The following STX11 variants were observed in gnomAD, a reference collection of about 807,000 sequenced individuals.
The protein encoded by STX11 is syntaxin 11, also known as syntaxin-11.
In STX11, 21 loss-of-function variants were observed where a neutral mutation model predicts 19.9. The ratio of observed to expected loss-of-function variants is 1.06; its 90% CI spans 0.75 to 1.52. The LOEUF is 1.52. Ranked by LOEUF, STX11 falls within the 40% of genes most tolerant of loss-of-function variation. The probability of loss-of-function intolerance (pLI) is 0.00; values close to 1 mark genes in which losing one functional copy is unlikely to be tolerated. For synonymous variants in STX11, 193 were observed against 174.4 expected, an observed-to-expected ratio of 1.11 and a Z score of -0.84; for missense variants, 438 against 405.9, an observed-to-expected ratio of 1.08 and a Z score of -0.68.
chr6:144,168,720 A>C (rs1033740349), intron 1 of STX11, among the ~76,000 whole-genome samples: 1 of 152,224 alleles, frequency 6.6e-6, no homozygotes, highest in Non-Finnish European at 1.5e-5. Flanking sequence ...AAACATTGGC[A>C]ACAGCATATA....
In STX11 at chr6:144,187,695, AG is replaced by A. The variant is rs1200320669; in HGVS notation, c.*205del. On this transcript the variant is annotated 3_prime_UTR_variant, in exon 2 of 2. Transcript: ENST00000367568. The surrounding 1 kb of genome is among the most constrained non-coding windows in gnomAD (Gnocchi z 5.6). ...AGTTGATACCGTCCGATGATTCTTC[AG>A]TAAAGATAGATTCCCACAAAGTTGT... is the stretch of plus-strand genomic sequence containing the variant. The A allele has an allele frequency of 5.9e-6, 4 of 683,176 alleles. No homozygotes were observed. Among genetic ancestry groups the A allele is most frequent in the Non-Finnish European group, 1.0e-5 (4 of 398,280 alleles). 42.3% of individuals were successfully genotyped at this position (683,176 alleles called of 1,614,324 possible). A position where few individuals can be genotyped will look rare whatever the true frequency, so the allele number is the denominator to read the frequency against.
At position 144,152,301 on chromosome 6, in the gene STX11, AC is replaced by A. The variant is rs1801026775; in HGVS notation, c.-6+1601del. ...GAGATAGGTGCTAGGGTAAATCTAT[AC>A]CCAGAGAAAAGTTTCTGTCCCAATA... On this transcript the variant is annotated intron_variant, in intron 1 of 1. Coordinates refer to ENST00000367568, the MANE Select transcript of STX11 (RefSeq NM_003764.4). This position sits in a 1 kb window ranked among gnomAD's most constrained non-coding sequence, Gnocchi z 4.9. Among the ~76,000 whole-genome samples, 1 of 152,190 alleles carries A rather than the reference AC, an allele frequency of 6.6e-6. No individual in the cohort carries two copies. Among genetic ancestry groups the A allele is most frequent in the South Asian group, 2.1e-4 (1 of 4,830 alleles).
In STX11 at chr6:144,155,954, CTTT is replaced by C. The variant is rs1233099262; in HGVS notation, c.-6+5252_-6+5254del. 1.3e-5 allele frequency among the ~76,000 whole-genome samples: 1 copy of C among 74,248 alleles called. No homozygotes were observed. The highest frequency in any genetic ancestry group is 2.5e-5 in the Non-Finnish European group (1 of 40,730). The allele number at this position is 74,248 out of a possible 152,430, so 48.7% of individuals were successfully genotyped here. A position where few individuals can be genotyped will look rare whatever the true frequency, so the allele number is the denominator to read the frequency against. On this transcript the variant is annotated intron_variant, in intron 1 of 1. Coordinates refer to ENST00000367568, the MANE Select transcript of STX11 (RefSeq NM_003764.4). The surrounding 1 kb of genome is among the most constrained non-coding windows in gnomAD (Gnocchi z 4.5). ...TTTAAAATTTAATCTTTCTTTCTTT[CTTT>C]CTTTCTTTCTTTCTTTCTTTCTTTC...
chr6:144,153,795 G>C lies in STX11; in HGVS notation c.-6+3092G>C, dbSNP rs951337219. On this transcript the variant is annotated intron_variant, in intron 1 of 1. Transcript: ENST00000367568. This position sits in a 1 kb window ranked among gnomAD's most constrained non-coding sequence, Gnocchi z 5.0. Reference sequence around the variant, plus strand: ...TAATAGGTGGAACCCTGTCGGGTGTGTGTAATGAGGAGGTAGGAGCAGTTG... The same window carrying C: ...TAATAGGTGGAACCCTGTCGGGTGTCTGTAATGAGGAGGTAGGAGCAGTTG... Among the ~76,000 whole-genome samples the C allele has an allele frequency of 6.6e-6, 1 of 152,166 alleles. No individual in the cohort carries two copies. The highest frequency in any genetic ancestry group is 1.5e-5 in the Non-Finnish European group (1 of 68,026).
chr6:144,187,581 G>A lies in STX11; in HGVS notation c.*90G>A, dbSNP rs879117045. ...AGCCGGGAGCTCTGCCCTGCAGGGA[G>A]TTGCCCCAACCCTTTCCGGAACTCA... On this transcript the variant is annotated 3_prime_UTR_variant, in exon 2 of 2. Transcript: ENST00000367568. This position sits in a 1 kb window ranked among gnomAD's most constrained non-coding sequence, Gnocchi z 5.6. 2.0e-5 allele frequency: 32 copies of A among 1,563,252 alleles called. No homozygotes were observed. In the South Asian group the frequency reaches 3.6e-4, roughly 18 times the overall value.
intron 1 of STX11, among the ~76,000 whole-genome samples, chr6:144,171,762 A>AAAAC (rs774226924): frequency 1.3e-5 from 2 of 152,152 alleles, no homozygotes; most frequent in African/African-American, 4.8e-5. Context: ...CAGTCTTCAA[A>AAAAC]AAACAAACAA....
rs1801013931 is a variant in STX11 at position 144,151,795 on chromosome 6, TG to T, written c.-6+1094del. Reference sequence around the variant, plus strand: ...TTCAGACAGTTTGTGTTTACTAAATTGGTGCTAAAACCACATGATGATTTTT... The same window carrying T: ...TTCAGACAGTTTGTGTTTACTAAATTGTGCTAAAACCACATGATGATTTTT... On this transcript the variant is annotated intron_variant, in intron 1 of 1. Coordinates refer to ENST00000367568, the MANE Select transcript of STX11 (RefSeq NM_003764.4). The surrounding 1 kb of genome is among the most constrained non-coding windows in gnomAD (Gnocchi z 4.6). Among the ~76,000 whole-genome samples the T allele has an allele frequency of 6.6e-6, 1 of 152,244 alleles. No homozygotes were observed. The highest frequency in any genetic ancestry group is 2.1e-4 in the South Asian group (1 of 4,838).
At chr6:144,146,473 C>A (rs1301812905), upstream of STX11, among the ~76,000 whole-genome samples, 2 of 152,076 alleles carry the variant, frequency 1.3e-5, no homozygotes, top group Non-Finnish European at 2.9e-5. This position sits in a 1 kb window ranked among gnomAD's most constrained non-coding sequence, Gnocchi z 4.4. Flanking sequence ...CCACCATGCC[C>A]GGCTAATTTT....
Position 144,190,446 on chromosome 6 carries a change from G to A in STX11, c.*2955G>A, listed in dbSNP as rs1802186334. Among the ~76,000 whole-genome samples, 1 of 152,184 alleles carries A rather than the reference G, an allele frequency of 6.6e-6. No individual in the cohort carries two copies. Among genetic ancestry groups the A allele is most frequent in the African/African-American group, 2.4e-5 (1 of 41,446 alleles). On this transcript the variant is annotated 3_prime_UTR_variant, in exon 2 of 2. Transcript: ENST00000367568. Reference sequence around the variant, plus strand: ...ATTATGTAATTTTCTCTCAGACTGAGAGCACTGTTAGTGACCCAAGTAAAT... The same window carrying A: ...ATTATGTAATTTTCTCTCAGACTGAAAGCACTGTTAGTGACCCAAGTAAAT...
chr6:144,170,955 A>G lies in STX11; in HGVS notation c.-5-15668A>G, dbSNP rs1801614376. ...ATCCCCTCTACTATCCTATGAGGTA[A>G]TTATTTATACATGGAGAAGACCAGG... On this transcript the variant is annotated intron_variant, in intron 1 of 1. Transcript: ENST00000367568. This position sits in a 1 kb window ranked among gnomAD's most constrained non-coding sequence, Gnocchi z 4.7. Among the ~76,000 whole-genome samples the G allele has an allele frequency of 1.3e-5, 2 of 152,188 alleles. No homozygotes were observed. The highest frequency in any genetic ancestry group is 4.8e-5 in the African/African-American group (2 of 41,444).
chr6:144,171,377 C>G (rs1801627342), intron 1 of STX11, among the ~76,000 whole-genome samples: 1 of 152,208 alleles, frequency 6.6e-6, no homozygotes, highest in East Asian at 1.9e-4. Flanking sequence ...GGAAACTTCT[C>G]TGGTCCAGTC....
chr6:144,150,421 G>T, upstream of STX11: 1 of 912,900 alleles, frequency 1.1e-6, no homozygotes, highest in Non-Finnish European at 1.3e-6. Context: ...TCTGTGAGCC[G>T]GCTGCCGCCG....
At chr6:144,141,904 A>G in the STX11 span, among the ~76,000 whole-genome samples, 4 of 151,754 alleles carry the variant, frequency 2.6e-5, no homozygotes, top group African/African-American at 9.7e-5. Context: ...CTCATTTTGA[A>G]CTTCTGGGCT....
chr6:144,164,949 G>A (rs1371403984), intron 1 of STX11, among the ~76,000 whole-genome samples: 2 of 151,648 alleles, frequency 1.3e-5, no homozygotes, highest in Non-Finnish European at 2.9e-5. Context: ...CGCCTGCCTC[G>A]GCCTCCCAAA....
chr6:144,146,179 T>G (rs571346719), upstream of STX11, among the ~76,000 whole-genome samples: 1 of 152,110 alleles, frequency 6.6e-6, no homozygotes, highest in Non-Finnish European at 1.5e-5. This position sits in a 1 kb window ranked among gnomAD's most constrained non-coding sequence, Gnocchi z 4.4. Flanking sequence ...GGTTTAGAGC[T>G]CTGTAAATTA....
In STX11 at chr6:144,165,180, C is replaced by A. The variant is rs1460942867; in HGVS notation, c.-6+14477C>A. On this transcript the variant is annotated intron_variant, in intron 1 of 1. Transcript: ENST00000367568. The surrounding 1 kb of genome is among the most constrained non-coding windows in gnomAD (Gnocchi z 5.8). The stretch of plus-strand genomic sequence containing the variant: ...TTGAAGAAAAATTTTCTTGGCCGGG[C>A]GCGGTGGCTCACGCCTGTAATCCCA... Among the ~76,000 whole-genome samples, 1 of 151,978 alleles carries A rather than the reference C, an allele frequency of 6.6e-6. No homozygotes were observed. The highest frequency in any genetic ancestry group is 1.5e-5 in the Non-Finnish European group (1 of 67,996).
In STX11 at chr6:144,152,008, C is replaced by G. The variant is rs997376135; in HGVS notation, c.-6+1305C>G. On this transcript the variant is annotated intron_variant, in intron 1 of 1. Transcript: ENST00000367568. This position sits in a 1 kb window ranked among gnomAD's most constrained non-coding sequence, Gnocchi z 4.9. Reference sequence around the variant, plus strand: ...TCAAACAACAGTTACCAGGTACCTTCTCTGTGCCAGCCTCTTCCCTGAACC... The same window carrying G: ...TCAAACAACAGTTACCAGGTACCTTGTCTGTGCCAGCCTCTTCCCTGAACC... Among the ~76,000 whole-genome samples, 1 of 152,156 alleles carries G rather than the reference C, an allele frequency of 6.6e-6. No homozygotes were observed. Among genetic ancestry groups the G allele is most frequent in the African/African-American group, 2.4e-5 (1 of 41,414 alleles).
chr6:144,154,422 T>C lies in STX11; in HGVS notation c.-6+3719T>C, dbSNP rs1462640525. Among the ~76,000 whole-genome samples, 1 of 151,860 alleles carries C rather than the reference T, an allele frequency of 6.6e-6. No individual in the cohort carries two copies. The highest frequency in any genetic ancestry group is 2.4e-5 in the African/African-American group (1 of 41,110). ...TAATCAGACATTTTTATCCTGGGAA[T>C]TGAAACATCTTAATGGAGACTCACA... On this transcript the variant is annotated intron_variant, in intron 1 of 1. Transcript: ENST00000367568. This position sits in a 1 kb window ranked among gnomAD's most constrained non-coding sequence, Gnocchi z 4.7.
At chr6:144,161,802 C>T (rs1396477883) in intron 1 of STX11, among the ~76,000 whole-genome samples, 2 of 152,170 alleles carry the variant, frequency 1.3e-5, no homozygotes, top group South Asian at 4.1e-4. Flanking sequence ...TATTTTCATT[C>T]GTAGGATGTT....
Sources: allele counts gnomAD v4.1 joint callset (sites outside exome capture counted in the v4.1 genomes callset), GRCh38; gene constraint gnomAD v4.1.1; non-coding constraint Gnocchi (gnomAD v3.1); transcripts MANE v1.5; gene names NCBI Gene and HGNC (gene_info 2026-07-23, HGNC 2026-07-21).